CACNA2D3: variants seen among roughly 807,000 people sequenced by gnomAD.
The protein encoded by CACNA2D3 is calcium voltage-gated channel auxiliary subunit alpha2delta 3.
In CACNA2D3, 60 loss-of-function variants were observed where a neutral mutation model predicts 160.6. The ratio of observed to expected loss-of-function variants is 0.37; its 90% CI spans 0.30 to 0.46. The LOEUF is 0.46. CACNA2D3 is among the 20% of genes least tolerant of loss of function. CACNA2D3 has a pLI of 1.00. For missense variants in CACNA2D3, 1,205 were observed against 1,365.0 expected, an observed-to-expected ratio of 0.88 and a Z score of 1.85; for synonymous variants, 558 against 492.9, an observed-to-expected ratio of 1.13 and a Z score of -1.75.
chr3:54,518,464 TCA>T (rs1182707272), intron 5 of CACNA2D3, among the ~76,000 whole-genome samples: 2 of 145,752 alleles, frequency 1.4e-5, no homozygotes, highest in African/African-American at 5.1e-5. Context: ...CGAGATGGGG[TCA>T]CACAGAGTCC....
At chr3:54,314,777 C>T (rs553588635) in intron 2 of CACNA2D3, among the ~76,000 whole-genome samples, 1 of 152,314 alleles carries the variant, frequency 6.6e-6, no homozygotes, top group African/African-American at 2.4e-5. Flanking sequence ...GTGTCTAGCA[C>T]CCTGCCTGGC....
intron 27 of CACNA2D3, among the ~76,000 whole-genome samples, chr3:54,914,600 A>G (rs1700622737): frequency 6.6e-6 from 1 of 152,326 alleles, no homozygotes; most frequent in Admixed American, 6.5e-5. Context: ...ATAAATAAAA[A>G]TTAAAATAAA....
intron 10 of CACNA2D3, among the ~76,000 whole-genome samples, chr3:54,641,288 C>G (rs1276259067): frequency 6.6e-6 from 1 of 152,200 alleles, no homozygotes; most frequent in Admixed American, 6.5e-5. Context: ...ATAGGGGACA[C>G]TTACAGGTCA....
At chr3:54,987,281 A>C (rs568982539) in intron 30 of CACNA2D3, among the ~76,000 whole-genome samples, 17 of 152,292 alleles carry the variant, frequency 1.1e-4, no homozygotes, top group African/African-American at 3.8e-4. Context: ...ATTATAAACA[A>C]TTCTTTTTAT....
chr3:54,993,806 G>A (rs1320412873), intron 31 of CACNA2D3, among the ~76,000 whole-genome samples: 1 of 150,036 alleles, frequency 6.7e-6, no homozygotes, highest in African/African-American at 2.5e-5. Context: ...CGAGCCACCA[G>A]TAGTACCTAT....
chr3:54,736,057 G>GTATATA (rs1212687939), intron 11 of CACNA2D3, among the ~76,000 whole-genome samples: 5 of 42,842 alleles, frequency 1.2e-4, no homozygotes, highest in Admixed American at 5.7e-4. Flanking sequence ...ACATACATAT[G>GTATATA]TATGTATATA....
intron 11 of CACNA2D3, among the ~76,000 whole-genome samples, chr3:54,664,086 C>T (rs1700021665): frequency 6.6e-6 from 1 of 152,254 alleles, no homozygotes; most frequent in African/African-American, 2.4e-5. Flanking sequence ...TCCAGCTGTG[C>T]TGAGCCGAAT....
intron 34 of CACNA2D3, among the ~76,000 whole-genome samples, chr3:55,014,620 T>C (rs1703287267): frequency 6.6e-6 from 1 of 152,072 alleles, no homozygotes; most frequent in Non-Finnish European, 1.5e-5. Context: ...TAATCCCAGC[T>C]ACTTGGGAGG....
chr3:54,972,597 C>G (rs555947164), intron 29 of CACNA2D3, among the ~76,000 whole-genome samples: 1 of 152,224 alleles, frequency 6.6e-6, no homozygotes, highest in African/African-American at 2.4e-5. Context: ...CCAACTCCCT[C>G]GGGCTTATCA....
chr3:54,643,461 C>T (rs963967300), intron 11 of CACNA2D3, among the ~76,000 whole-genome samples: 11 of 152,178 alleles, frequency 7.2e-5, no homozygotes, highest in African/African-American at 2.4e-4. Context: ...AGAGCCATCA[C>T]CTCTGAAGCT....
At chr3:54,658,934 A>T (rs1304315799) in intron 11 of CACNA2D3, among the ~76,000 whole-genome samples, 1 of 151,976 alleles carries the variant, frequency 6.6e-6, no homozygotes, top group Admixed American at 6.5e-5. Context: ...GGCATGCAAG[A>T]TACACAACTA....
intron 27 of CACNA2D3, among the ~76,000 whole-genome samples, chr3:54,953,663 G>T (rs77458792): frequency 0.046 from 6,969 of 152,298 alleles, 507 homozygotes; most frequent in African/African-American, 0.15. Flanking sequence ...CCCAGGAGCT[G>T]GGAAGGAGGT....
At chr3:54,785,176 A>C (rs182538488) in intron 13 of CACNA2D3, among the ~76,000 whole-genome samples, 26 of 152,356 alleles carry the variant, frequency 1.7e-4, no homozygotes, top group African/African-American at 2.4e-4. Flanking sequence ...CATTGTTAGA[A>C]TATCTTGACT....
chr3:54,148,456 C>A (rs528474837), intron 2 of CACNA2D3, among the ~76,000 whole-genome samples: 3 of 152,272 alleles, frequency 2.0e-5, no homozygotes, highest in South Asian at 4.1e-4. Context: ...AAGTGAAGAA[C>A]GTGTTCCCCA....
intron 11 of CACNA2D3, among the ~76,000 whole-genome samples, chr3:54,722,706 G>C (rs1701192042): frequency 6.6e-6 from 1 of 152,140 alleles, no homozygotes; most frequent in Non-Finnish European, 1.5e-5. Context: ...CTGTTTGCCT[G>C]GGTATCACTA....
At chr3:54,267,148 AG>A (rs1337138284) in intron 2 of CACNA2D3, among the ~76,000 whole-genome samples, 1 of 152,196 alleles carries the variant, frequency 6.6e-6, no homozygotes. Context: ...CAAGTGTGAC[AG>A]TGGGACTCAA....
At chr3:54,426,758 C>A (rs1213996784) in intron 4 of CACNA2D3, among the ~76,000 whole-genome samples, 1 of 152,028 alleles carries the variant, frequency 6.6e-6, no homozygotes, top group Non-Finnish European at 1.5e-5. Flanking sequence ...CTTAATAGTT[C>A]TTGTGTAAAA....
chr3:54,269,134 C>T (rs899343980), intron 2 of CACNA2D3, among the ~76,000 whole-genome samples: 2 of 152,078 alleles, frequency 1.3e-5, no homozygotes, highest in Non-Finnish European at 2.9e-5. Context: ...AGCCAAACCA[C>T]AGTTTGGGGC....
chr3:54,562,843 C>CA lies in CACNA2D3; in HGVS notation c.591dup (p.Val198SerfsTer5). Reference sequence around the variant, plus strand: ...GGGTTTATTGGTCTGAATCTCTAAACAAAGTTTTTGTAGATAACTTTGACC... The same window carrying CA: ...GGGTTTATTGGTCTGAATCTCTAAACAAAAGTTTTTGTAGATAACTTTGACC... On this transcript the variant is annotated frameshift_variant, in exon 6 of 38. Transcript: ENST00000474759. LOFTEE classifies it high-confidence loss of function. 6.2e-7 allele frequency: 1 copy of CA among 1,613,106 alleles called. No homozygotes were observed. The highest frequency in any genetic ancestry group is 8.5e-7 in the Non-Finnish European group (1 of 1,179,164).
Sources: allele counts gnomAD v4.1 joint callset (sites outside exome capture counted in the v4.1 genomes callset), GRCh38; gene constraint gnomAD v4.1.1; transcripts MANE v1.5; gene names NCBI Gene and HGNC (gene_info 2026-07-23, HGNC 2026-07-21).